Variants in RNF212 observed in about 807,000 individuals in gnomAD.
RNF212 encodes the protein ring finger protein 212.
RNF212 carries 33 observed loss-of-function variants against 34.7 expected under a neutral mutation model. That is an observed-to-expected ratio of 0.95 (90% confidence interval 0.72 to 1.27). RNF212 has a LOEUF of 1.27. Ranked by LOEUF, RNF212 falls within the 50% of genes most tolerant of loss-of-function variation. RNF212 has a pLI of 0.00. For missense variants in RNF212, 377 were observed against 362.2 expected, an observed-to-expected ratio of 1.04 and a Z score of -0.33; for synonymous variants, 140 against 136.1, an observed-to-expected ratio of 1.03 and a Z score of -0.20.
At chr4:1,062,923 G>A (rs1482258101) in intron 3 of RNF212, among the ~76,000 whole-genome samples, 2 of 152,056 alleles carry the variant, frequency 1.3e-5, no homozygotes, top group Non-Finnish European at 2.9e-5. Context: ...ATGAAAACCT[G>A]AAAATAAAAG....
At chr4:1,096,885 G>A (rs573899951) in intron 2 of RNF212, 46 bp from the exon 3 acceptor site, 13 of 1,392,862 alleles carry the variant, frequency 9.3e-6, no homozygotes, top group Middle Eastern at 1.8e-4. Context: ...TCTAATAAAC[G>A]CTTCTGGCCC....
intron 5 of RNF212, chr4:1,081,965 A>T: frequency 3.2e-6 from 1 of 310,500 alleles, no homozygotes; most frequent in East Asian, 8.5e-5. Context: ...AAAGGCCACT[A>T]AGAGGCCAGC....
At chr4:1,093,950 A>G in intron 3 of RNF212, 2 of 1,536,028 alleles carry the variant, frequency 1.3e-6, no homozygotes, top group Non-Finnish European at 1.7e-6. Flanking sequence ...GCCTCTGGGC[A>G]CCTCCTTGGA....
At chr4:1,056,640 C>A (rs1382709818) in intron 4 of RNF212, 3 of 450,004 alleles carry the variant, frequency 6.7e-6, no homozygotes, top group African/African-American at 2.1e-5. Flanking sequence ...ATGTTTAAGT[C>A]ATAATTTTCG....
chr4:1,095,237 G>A (rs7686397), intron 3 of RNF212, among the ~76,000 whole-genome samples: 274 of 29,722 alleles, frequency 9.2e-3, no homozygotes, highest in Middle Eastern at 0.029. Context: ...CCATGGTCTC[G>A]GGATAGCGCA....
chr4:1,092,489 A>C (rs941059534), intron 3 of RNF212, among the ~76,000 whole-genome samples: 20 of 149,548 alleles, frequency 1.3e-4, no homozygotes, highest in Non-Finnish European at 2.2e-4. Flanking sequence ...CTGCAGCCTC[A>C]TGCCGCCTCC....
chr4:1,063,332 C>T (rs1264263281), intron 3 of RNF212, among the ~76,000 whole-genome samples: 1 of 152,124 alleles, frequency 6.6e-6, no homozygotes, highest in Non-Finnish European at 1.5e-5. Context: ...AAGTGAAAGA[C>T]AAAAAGAAAA....
At chr4:1,081,537 T>C (rs1348006360) in intron 6 of RNF212, 30 bp downstream of exon 6, 11 of 1,608,218 alleles carry the variant, frequency 6.8e-6, no homozygotes, top group Non-Finnish European at 8.5e-6. Context: ...CATCTCTATT[T>C]TGTTCTCTTT....
intron 3 of RNF212, among the ~76,000 whole-genome samples, chr4:1,060,755 G>A (rs984130558): frequency 5.3e-5 from 8 of 152,370 alleles, no homozygotes; most frequent in Admixed American, 5.2e-4. Context: ...GGAGGGGACC[G>A]CGTACTGAAG....
chr4:1,108,359 A>C lies in RNF212; in HGVS notation c.155T>G (p.Val52Gly). ...CLICKAPCRT[V>G]LLSKHTDADI... ...TCAACTTACATGCTTTGAAAGCAAAACTGTACGACAAGGAGCTTTACAAAT... is the reference window on the plus strand; with the variant it reads ...TCAACTTACATGCTTTGAAAGCAAACCTGTACGACAAGGAGCTTTACAAAT... Residue 52 changes from valine (V) to glycine (G), a missense_variant, in exon 2 of 10, where the codon GTT becomes GGT. Coordinates refer to ENST00000433731, the MANE Select transcript of RNF212 (RefSeq NM_001131034.4). 6.6e-7 allele frequency: 1 copy of C among 1,512,026 alleles called. No individual in the cohort carries two copies. The highest frequency in any genetic ancestry group is 8.8e-7 in the Non-Finnish European group (1 of 1,140,070). The allele number at this position is 1,512,026 out of a possible 1,614,324, so 93.7% of individuals were successfully genotyped here.
At chr4:1,093,650 C>A (rs1008392614) in intron 3 of RNF212, 1 of 1,535,922 alleles carries the variant, frequency 6.5e-7, no homozygotes, top group East Asian at 2.4e-5. Flanking sequence ...AGCACCTGGC[C>A]TCTGCAGCAC....
In RNF212 at chr4:1,081,582, T is replaced by G. The variant is rs560989773; in HGVS notation, c.400A>C (p.Lys134Gln). The G allele has an allele frequency of 2.6e-4, 425 of 1,611,168 alleles. 2 individuals are homozygous for G. In the East Asian group the frequency reaches 9.3e-3, roughly 35 times the overall value. Residue 134 changes from lysine to glutamine, a missense_variant, in exon 6 of 10, where the codon AAA becomes CAA. By Grantham distance (53) the Lys-to-Gln change is moderately conservative. Transcript: ENST00000433731. ...TTTTACTTACTTGAAACTGAACTTT[T>G]TATTGTGCTGAAAGCTGTTTGTTGT... ...SSQQTAFSTIKSSVSTKPHGC... is the reference protein window; with the variant it reads ...SSQQTAFSTIQSSVSTKPHGC...
At chr4:1,110,172 G>A (rs192874095) in intron 1 of RNF212, among the ~76,000 whole-genome samples, 8 of 152,148 alleles carry the variant, frequency 5.3e-5, no homozygotes, top group African/African-American at 1.9e-4. Flanking sequence ...AAAAGACAAA[G>A]GGATTGATGC....
intron 4 of RNF212, 150 bp from the exon 5 acceptor site, chr4:1,086,104 C>T (rs967863529): frequency 2.5e-5 from 17 of 672,546 alleles, no homozygotes; most frequent in African/African-American, 8.8e-5. Flanking sequence ...CCTGGAGTTC[C>T]GCCCATCAGA....
chr4:1,068,284 G>A (rs543038712), downstream of RNF212, among the ~76,000 whole-genome samples: 16 of 152,342 alleles, frequency 1.1e-4, no homozygotes, highest in Middle Eastern at 3.4e-3. Context: ...GACAGGGTCC[G>A]GAAGAAAGCC....
chr4:1,056,487 G>T (rs929658401), exon 5 of RNF212: 2 of 985,326 alleles, frequency 2.0e-6, no homozygotes, highest in Non-Finnish European at 2.4e-6. Context: ...TCTTTGAAAT[G>T]ACTTCAAAAC....
intron 5 of RNF212, among the ~76,000 whole-genome samples, chr4:1,082,216 C>T (rs1352964342): frequency 6.6e-6 from 1 of 152,168 alleles, no homozygotes. Flanking sequence ...GTTACTTGGT[C>T]ACGTTTTCCA....
At chr4:1,106,537 A>G (rs916511088) in intron 2 of RNF212, among the ~76,000 whole-genome samples, 2 of 152,276 alleles carry the variant, frequency 1.3e-5, no homozygotes, top group Admixed American at 6.5e-5. Context: ...AAGACATATT[A>G]GAGATTATTT....
downstream of RNF212, among the ~76,000 whole-genome samples, chr4:1,067,985 A>C (rs1056926970): frequency 6.6e-6 from 1 of 152,220 alleles, no homozygotes; most frequent in Non-Finnish European, 1.5e-5. Flanking sequence ...TAATCAATGG[A>C]GAGACATAGC....
Sources: allele counts gnomAD v4.1 joint callset (sites outside exome capture counted in the v4.1 genomes callset), GRCh38; gene constraint gnomAD v4.1.1; transcripts MANE v1.5; gene names NCBI Gene and HGNC (gene_info 2026-07-23, HGNC 2026-07-21).